PTPRD: variants seen among roughly 807,000 people sequenced by gnomAD.
The protein encoded by PTPRD is protein tyrosine phosphatase receptor type D, also known as receptor-type tyrosine-protein phosphatase delta.
PTPRD carries 34 observed loss-of-function variants against 214.5 expected under a neutral mutation model. That is an observed-to-expected ratio of 0.16 (90% CI 0.12 to 0.21). The LOEUF is 0.21. PTPRD is among the 10% of genes least tolerant of loss of function. The probability of loss-of-function intolerance (pLI) is 1.00; values close to 1 mark genes in which losing one functional copy is unlikely to be tolerated. For missense variants in PTPRD, 2,545 were observed against 2,398.7 expected, an observed-to-expected ratio of 1.06 and a Z score of -1.27; for synonymous variants, 1,128 against 845.7, an observed-to-expected ratio of 1.33 and a Z score of -5.79.
intron 3 of PTPRD, among the ~76,000 whole-genome samples, chr9:10,073,215 A>G (rs2098064947): frequency 6.6e-6 from 1 of 152,048 alleles, no homozygotes; most frequent in Non-Finnish European, 1.5e-5. Flanking sequence ...ATATATATAT[A>G]GTTGTGGGAT....
At chr9:10,279,067 C>T in intron 3 of PTPRD, among the ~76,000 whole-genome samples, 1 of 152,196 alleles carries the variant, frequency 6.6e-6, no homozygotes, top group East Asian at 1.9e-4. Context: ...AGCCACCGCG[C>T]CTGGCCCCAT....
rs148441171 is a variant in PTPRD, at chr9:9,686,537, G to T, written c.-287+47996C>A. On this transcript the variant is annotated intron_variant, in intron 7 of 45. Coordinates refer to ENST00000381196, the MANE Select transcript of PTPRD (RefSeq NM_002839.4). ...TCACAGATAATAATCTATGCTGACA[G>T]AAGTCCAAACAGTGGTCACCTTTGT... Among the ~76,000 whole-genome samples the T allele has an allele frequency of 2.6e-3, 387 of 151,586 alleles. 4 individuals carry two copies. The highest frequency in any genetic ancestry group is 3.2e-3 in the Non-Finnish European group (218 of 67,666).
intron 9 of PTPRD, among the ~76,000 whole-genome samples, chr9:9,341,020 T>A (rs1569567518): frequency 6.6e-6 from 1 of 152,162 alleles, no homozygotes; most frequent in African/African-American, 2.4e-5. Context: ...GCTTTCCTTA[T>A]AAAAGGTAGT....
At chr9:9,447,221 T>C (rs913359192) in intron 8 of PTPRD, among the ~76,000 whole-genome samples, 3 of 152,270 alleles carry the variant, frequency 2.0e-5, no homozygotes, top group Middle Eastern at 3.4e-3. Context: ...CACATGTATG[T>C]TCACTGCATC....
At chr9:8,484,512 G>C in intron 29 of PTPRD, 134 bp from the exon 30 acceptor site, 1 of 861,366 alleles carries the variant, frequency 1.2e-6, no homozygotes, top group Non-Finnish European at 1.7e-6. Context: ...CTAAGTCCAT[G>C]AGTAGTCATA....
chr9:8,789,491 C>T (rs1182021442), intron 11 of PTPRD, among the ~76,000 whole-genome samples: 2 of 152,160 alleles, frequency 1.3e-5, no homozygotes, highest in Non-Finnish European at 2.9e-5. Context: ...ATTCCTAAGG[C>T]TGCATCCCTG....
At chr9:9,271,444 C>G (rs190919550) in intron 9 of PTPRD, among the ~76,000 whole-genome samples, 56 of 151,400 alleles carry the variant, frequency 3.7e-4, no homozygotes, top group African/African-American at 1.3e-3. Flanking sequence ...TATGTTGCAT[C>G]TGAATAGAAG....
chr9:8,915,120 T>C (rs2154264330), intron 11 of PTPRD, among the ~76,000 whole-genome samples: 1 of 152,176 alleles, frequency 6.6e-6, no homozygotes, highest in Admixed American at 6.5e-5. Flanking sequence ...CACAAAACTA[T>C]CCAGAGTCTC....
At position 10,083,708 on chromosome 9, in the gene PTPRD, T is replaced by A. The variant is rs1450861703; in HGVS notation, c.-544-49918A>T. 2.0e-5 allele frequency among the ~76,000 whole-genome samples: 3 copies of A among 151,934 alleles called. No individual in the cohort carries two copies. In the East Asian group the frequency reaches 5.8e-4, roughly 30 times the overall value. On this transcript the variant is annotated intron_variant, in intron 3 of 45. Coordinates refer to ENST00000381196, the MANE Select transcript of PTPRD (RefSeq NM_002839.4). ...CAGAGATGAGCTTTGTGGAAGATAA[T>A]TTTTTCTATGGTAGGAGTCGGGGGT...
chr9:9,659,622 G>A lies in PTPRD; in HGVS notation c.-287+74911C>T, dbSNP rs1361400954. ...GATATACAAAATACCCTGAAAAAAA[G>A]CTTTTCCCTAGCAGTAACAGCTAGA... On this transcript the variant is annotated intron_variant, in intron 7 of 45. Coordinates refer to ENST00000381196, the MANE Select transcript of PTPRD (RefSeq NM_002839.4). Among the ~76,000 whole-genome samples the A allele has an allele frequency of 9.9e-5, 15 of 151,918 alleles. 1 individual carries two copies. Among genetic ancestry groups the A allele is most frequent in the Non-Finnish European group, 1.5e-5 (1 of 67,918 alleles).
At chr9:8,617,491 T>C (rs1386709100) in intron 14 of PTPRD, among the ~76,000 whole-genome samples, 2 of 152,124 alleles carry the variant, frequency 1.3e-5, no homozygotes, top group African/African-American at 4.8e-5. Flanking sequence ...ATCAGATATG[T>C]CACTTAGATG....
chr9:8,464,192 T>TTC (rs2134381374), intron 32 of PTPRD, among the ~76,000 whole-genome samples: 2 of 152,070 alleles, frequency 1.3e-5, no homozygotes, highest in East Asian at 3.9e-4. Context: ...CTTTGCTAGA[T>TTC]TCTCTGATCT....
chr9:9,993,793 C>T (rs1225683517), intron 4 of PTPRD, among the ~76,000 whole-genome samples: 1 of 151,984 alleles, frequency 6.6e-6, no homozygotes, highest in Non-Finnish European at 1.5e-5. Flanking sequence ...TTCTGTTATA[C>T]TTGAATTAAG....
At chr9:8,753,908 G>A (rs2093751523) in intron 11 of PTPRD, among the ~76,000 whole-genome samples, 1 of 152,278 alleles carries the variant, frequency 6.6e-6, no homozygotes, top group African/African-American at 2.4e-5. Context: ...ACTTTAGGAG[G>A]CTGAGGAGGT....
chr9:8,730,444 A>T (rs893975800), intron 12 of PTPRD, among the ~76,000 whole-genome samples: 3 of 150,854 alleles, frequency 2.0e-5, no homozygotes, highest in South Asian at 2.1e-4. Context: ...TCTACAATTT[A>T]AAAAAAATGT....
At chr9:9,078,278 T>C (rs1203079728) in intron 10 of PTPRD, among the ~76,000 whole-genome samples, 1 of 152,166 alleles carries the variant, frequency 6.6e-6, no homozygotes, top group Non-Finnish European at 1.5e-5. Context: ...ATATATTTTT[T>C]CCACTTCGCA....
chr9:9,548,224 A>C (rs2079275810), intron 8 of PTPRD, among the ~76,000 whole-genome samples: 1 of 151,898 alleles, frequency 6.6e-6, no homozygotes, highest in African/African-American at 2.4e-5. Context: ...ATGATCAATA[A>C]TAAAAGTGAC....
At chr9:8,766,717 C>T (rs2094781373) in intron 11 of PTPRD, among the ~76,000 whole-genome samples, 1 of 152,144 alleles carries the variant, frequency 6.6e-6, no homozygotes, top group Non-Finnish European at 1.5e-5. Flanking sequence ...CTCATGGATT[C>T]ACCAAAAGTT....
At chr9:10,150,154 T>C (rs2099050968) in intron 3 of PTPRD, among the ~76,000 whole-genome samples, 1 of 152,194 alleles carries the variant, frequency 6.6e-6, no homozygotes, top group Admixed American at 6.5e-5. Context: ...TATTTATGTT[T>C]AAAGATATTT....
Sources: allele counts gnomAD v4.1 joint callset (sites outside exome capture counted in the v4.1 genomes callset), GRCh38; gene constraint gnomAD v4.1.1; transcripts MANE v1.5; gene names NCBI Gene and HGNC (gene_info 2026-07-23, HGNC 2026-07-21).